Variants in TCF7L2 observed in about 807,000 individuals in gnomAD.
TCF7L2 encodes the protein transcription factor 7-like 2.
In TCF7L2, 23 loss-of-function variants were observed where a neutral mutation model predicts 77.9. That is an observed-to-expected ratio of 0.30 (90% CI 0.21 to 0.42). The LOEUF (loss-of-function observed/expected upper bound fraction) is 0.42, where lower values mean the gene tolerates loss of function less well. TCF7L2 is among the 10% of genes least tolerant of loss of function. TCF7L2 has a pLI of 1.00. For missense variants in TCF7L2, 654 were observed against 793.1 expected, an observed-to-expected ratio of 0.82 and a Z score of 2.11; for synonymous variants, 413 against 340.2, an observed-to-expected ratio of 1.21 and a Z score of -2.36.
chr10:112,993,549 T>C (rs2042965631), intron 4 of TCF7L2, among the ~76,000 whole-genome samples: 1 of 152,110 alleles, frequency 6.6e-6, no homozygotes, highest in Admixed American at 6.5e-5. Context: ...ATGGGCTGTC[T>C]CCTGCTTCTG....
At chr10:113,110,622 C>A (rs1001823476) in intron 5 of TCF7L2, among the ~76,000 whole-genome samples, 2 of 151,986 alleles carry the variant, frequency 1.3e-5, no homozygotes, top group African/African-American at 4.8e-5. Context: ...GGCTTTTGAC[C>A]CCTACATCTA....
chr10:113,010,545 G>T (rs951841297), intron 4 of TCF7L2, among the ~76,000 whole-genome samples: 10 of 152,186 alleles, frequency 6.6e-5, no homozygotes, highest in African/African-American at 2.2e-4. Flanking sequence ...CACTGTTAAG[G>T]AGATAGACAG....
At chr10:113,055,034 A>T (rs2055143416) in intron 5 of TCF7L2, among the ~76,000 whole-genome samples, 1 of 152,284 alleles carries the variant, frequency 6.6e-6, no homozygotes, top group African/African-American at 2.4e-5. Flanking sequence ...TAGGTTGCTT[A>T]CAGTTTTTTA....
At chr10:113,023,752 T>A (rs1054851983) in intron 4 of TCF7L2, among the ~76,000 whole-genome samples, 1 of 152,028 alleles carries the variant, frequency 6.6e-6, no homozygotes, top group South Asian at 2.1e-4. Context: ...CACTGCAAGC[T>A]CCACCTCCCG....
At chr10:113,059,605 A>G (rs889602660) in intron 5 of TCF7L2, among the ~76,000 whole-genome samples, 3 of 152,132 alleles carry the variant, frequency 2.0e-5, no homozygotes, top group Admixed American at 2.0e-4. Context: ...TAACGTGCCT[A>G]GTGGAAATTG....
intron 5 of TCF7L2, among the ~76,000 whole-genome samples, chr10:113,100,817 T>C (rs1265291838): frequency 6.6e-6 from 1 of 152,250 alleles, no homozygotes; most frequent in Non-Finnish European, 1.5e-5. Context: ...GGCTCACGCC[T>C]GTAATCCCAG....
chr10:112,952,037 C>T lies in TCF7L2; in HGVS notation c.381+430C>T, dbSNP rs1233329963. Among the ~76,000 whole-genome samples the T allele has an allele frequency of 2.6e-5, 4 of 152,074 alleles. No homozygotes were observed. In the East Asian group the frequency reaches 7.8e-4, roughly 30 times the overall value. On this transcript the variant is annotated intron_variant, in intron 3 of 13. Transcript: ENST00000627217. Reference sequence around the variant, plus strand: ...CTCTCTCTCCTTCTCTTCCTTCCCTCTTCTGTGGCGTCTTGGGCTTTCCCC... The same window carrying T: ...CTCTCTCTCCTTCTCTTCCTTCCCTTTTCTGTGGCGTCTTGGGCTTTCCCC...
At chr10:112,994,517 A>G (rs1433180679) in intron 4 of TCF7L2, among the ~76,000 whole-genome samples, 1 of 152,150 alleles carries the variant, frequency 6.6e-6, no homozygotes. Flanking sequence ...ATTTTGCACA[A>G]ATTTTTGTAT....
At chr10:113,027,390 T>A (rs1426044477) in intron 4 of TCF7L2, among the ~76,000 whole-genome samples, 1 of 152,222 alleles carries the variant, frequency 6.6e-6, no homozygotes, top group African/African-American at 2.4e-5. Flanking sequence ...AGAGGGTGCC[T>A]GTCAACGATT....
At chr10:113,066,032 A>G (rs2057199959) in intron 5 of TCF7L2, among the ~76,000 whole-genome samples, 1 of 152,192 alleles carries the variant, frequency 6.6e-6, no homozygotes, top group South Asian at 2.1e-4. Flanking sequence ...TGTTTGCAAC[A>G]CCATGTTTTC....
At chr10:113,028,212 G>A (rs1466130941) in intron 4 of TCF7L2, among the ~76,000 whole-genome samples, 1 of 152,180 alleles carries the variant, frequency 6.6e-6, no homozygotes, top group Non-Finnish European at 1.5e-5. Flanking sequence ...CTCTCTAGGA[G>A]GGATTTGGAA....
intron 5 of TCF7L2, among the ~76,000 whole-genome samples, chr10:113,104,366 T>C (rs2062010225): frequency 6.6e-6 from 1 of 152,204 alleles, no homozygotes; most frequent in African/African-American, 2.4e-5. Flanking sequence ...TTTTTGATGC[T>C]ATTCTTCTCA....
chr10:112,952,286 G>GA (rs1297726125), intron 3 of TCF7L2, among the ~76,000 whole-genome samples: 1 of 152,174 alleles, frequency 6.6e-6, no homozygotes, highest in Non-Finnish European at 1.5e-5. Context: ...CCTTCCCCTG[G>GA]AAGGTCACAC....
chr10:113,073,503 CAAAAAAAAAAAA>C (rs35730806), intron 5 of TCF7L2, among the ~76,000 whole-genome samples: 34 of 43,968 alleles, frequency 7.7e-4, no homozygotes, highest in Middle Eastern at 0.019. Context: ...CGGTCTCTAC[CAAAAAAAAAAAA>C]AAAAAAAAAA....
At chr10:113,034,055 T>C (rs1307026072) in intron 4 of TCF7L2, among the ~76,000 whole-genome samples, 1 of 152,226 alleles carries the variant, frequency 6.6e-6, no homozygotes, top group African/African-American at 2.4e-5. Context: ...ATTATTTGTT[T>C]ATAGAAGATG....
At chr10:113,006,865 C>T (rs369105567) in intron 4 of TCF7L2, among the ~76,000 whole-genome samples, 95 of 152,330 alleles carry the variant, frequency 6.2e-4, no homozygotes, top group Admixed American at 2.2e-3. Context: ...CTCACCCCTC[C>T]GGCCACGCTG....
rs182155834 is a variant in TCF7L2 at position 113,089,754 on chromosome 10, G to A, written c.552+49628G>A. Among the ~76,000 whole-genome samples, 7 of 152,294 alleles carry A rather than the reference G, an allele frequency of 4.6e-5. No individual in the cohort carries two copies. The East Asian group carries it at 1.4e-3, about 29-fold the overall frequency. On this transcript the variant is annotated intron_variant, in intron 5 of 13. Transcript: ENST00000627217. ...AAACGCCTGTTTACAAGGAGAGGGTGGAGGGTGGTGCTCGCATGACTCCAG... is the reference window on the plus strand; with the variant it reads ...AAACGCCTGTTTACAAGGAGAGGGTAGAGGGTGGTGCTCGCATGACTCCAG...
chr10:112,968,497 CTG>C (rs958047836), intron 4 of TCF7L2, among the ~76,000 whole-genome samples: 11 of 152,188 alleles, frequency 7.2e-5, no homozygotes, highest in African/African-American at 2.6e-4. Flanking sequence ...TATTAATTGA[CTG>C]TTTATGTTAT....
chr10:112,998,177 G>T (rs1482110314), intron 4 of TCF7L2, among the ~76,000 whole-genome samples: 3 of 151,432 alleles, frequency 2.0e-5, no homozygotes, highest in African/African-American at 7.3e-5. Context: ...GGCCTCAAGA[G>T]GTGCTCTCAC....
Sources: gnomAD v4.1 joint callset for allele counts (sites outside exome capture counted in the v4.1 genomes callset) on GRCh38, gnomAD v4.1.1 for gene constraint, MANE v1.5 for transcripts, NCBI Gene and HGNC (gene_info 2026-07-23, HGNC 2026-07-21) for gene names.